CFAP99: variants seen among roughly 807,000 people sequenced by gnomAD.
CFAP99 encodes the protein cilia- and flagella-associated protein 99.
In CFAP99, 84 loss-of-function variants were observed where a neutral mutation model predicts 82.7. The ratio of observed to expected loss-of-function variants is 1.02; its 90% CI spans 0.85 to 1.22. The LOEUF (loss-of-function observed/expected upper bound fraction) is 1.22. Among genes scored for constraint, CFAP99 ranks in the 50% most tolerant of loss-of-function variants. The pLI is 0.00. For missense variants in CFAP99, 1,059 were observed against 983.5 expected, an observed-to-expected ratio of 1.08 and a Z score of -1.03; for synonymous variants, 456 against 429.5, an observed-to-expected ratio of 1.06 and a Z score of -0.76.
chr4:2,450,880 G>C lies in CFAP99; in HGVS notation c.796-67G>C, dbSNP rs926964062. The C allele has an allele frequency of 5.2e-6, 7 of 1,349,120 alleles. No homozygotes were observed. The African/African-American group carries it at 1.0e-4, about 19-fold the overall frequency. The allele number at this position is 1,349,120 out of a possible 1,614,324, so 83.6% of individuals were successfully genotyped here. A position where few individuals can be genotyped will look rare whatever the true frequency, so the allele number is the denominator to read the frequency against. On this transcript the variant is annotated intron_variant, in intron 8 of 14. Coordinates refer to ENST00000635017, the Ensembl canonical transcript of CFAP99. ...CAGGGTGCTGGGCCAGCATCCACCT[G>C]GTATGTGTTTGGGGGCACCCAGCAG...
At chr4:2,424,085 C>T (rs1244541729) in intron 1 of CFAP99, among the ~76,000 whole-genome samples, 1 of 152,236 alleles carries the variant, frequency 6.6e-6, no homozygotes, top group Non-Finnish European at 1.5e-5. Flanking sequence ...TCCTGCTGGC[C>T]TCTGTGTCCA....
chr4:2,458,150 G>A (rs941522504), intron 11 of CFAP99, among the ~76,000 whole-genome samples: 3 of 152,218 alleles, frequency 2.0e-5, no homozygotes, highest in Non-Finnish European at 2.9e-5. Context: ...GGGGAGGGCC[G>A]GTGTGGACGC....
At chr4:2,436,417 G>A (rs1318094143) in intron 2 of CFAP99, among the ~76,000 whole-genome samples, 4 of 152,104 alleles carry the variant, frequency 2.6e-5, no homozygotes, top group African/African-American at 9.7e-5. Flanking sequence ...CCATTTTTCA[G>A]CGTAGAGTTC....
chr4:2,454,581 C>CTTTTTTTTTTTTTTT (rs200727697), intron 11 of CFAP99, among the ~76,000 whole-genome samples: 33 of 94,694 alleles, frequency 3.5e-4, no homozygotes, highest in South Asian at 1.1e-3. Flanking sequence ...TGTTTTTTTT[C>CTTTTTTTTTTTTTTT]TTTTTTTTTT....
chr4:2,437,246 C>G (rs895914429), intron 3 of CFAP99, among the ~76,000 whole-genome samples: 6 of 152,212 alleles, frequency 3.9e-5, no homozygotes, highest in African/African-American at 1.4e-4. Context: ...CTCTGCCACC[C>G]CAGTTTAGGG....
intron 2 of CFAP99, chr4:2,426,828 C>A: frequency 3.9e-6 from 2 of 509,102 alleles, no homozygotes; most frequent in South Asian, 4.1e-5. Context: ...GACATCCACA[C>A]TGCGGTTCCA....
chr4:2,449,206 T>C (rs990336273), intron 6 of CFAP99, among the ~76,000 whole-genome samples: 2 of 151,940 alleles, frequency 1.3e-5, no homozygotes, highest in African/African-American at 4.8e-5. Context: ...CTCGGGGATA[T>C]GGTGCAGCCG....
rs991386897 is a variant in CFAP99, at chr4:2,437,966, G to A, written c.257-104G>A. On this transcript the variant is annotated intron_variant, in intron 3 of 14. Transcript: ENST00000635017. ...GCACCAATAGGGTGGGGGTTTTCCT[G>A]TGGCTGCGTGCCCTGACACGGTGGA... 4 of 656,164 alleles carry A rather than the reference G, an allele frequency of 6.1e-6. No homozygotes were observed. In the African/African-American group the frequency reaches 7.2e-5, roughly 12 times the overall value. The allele number at this position is 656,164 out of a possible 1,614,324, so 40.6% of individuals were successfully genotyped here.
chr4:2,451,389 G>T, intron 10 of CFAP99, 37 bp downstream of exon 10: 1 of 1,526,686 alleles, frequency 6.6e-7, no homozygotes, highest in Non-Finnish European at 8.8e-7. Context: ...GCCTTCCACG[G>T]CATCACCCTT....
intron 10 of CFAP99, among the ~76,000 whole-genome samples, chr4:2,451,701 G>A (rs1013802376): frequency 4.2e-5 from 6 of 144,422 alleles, no homozygotes; most frequent in African/African-American, 1.0e-4. Context: ...TACCCCATGC[G>A]GTGTGGTCGT....
intron 11 of CFAP99, among the ~76,000 whole-genome samples, chr4:2,454,583 T>C (rs1734381492): frequency 3.8e-5 from 2 of 52,252 alleles, no homozygotes; most frequent in African/African-American, 9.7e-5. Flanking sequence ...TTTTTTTTCT[T>C]TTTTTTTTTT....
At chr4:2,452,394 T>C in intron 11 of CFAP99, 48 bp downstream of exon 11, 1 of 1,514,888 alleles carries the variant, frequency 6.6e-7, no homozygotes. Context: ...AGCTGAACTG[T>C]GTGCCCACCG....
chr4:2,458,274 G>T (rs963889136), intron 11 of CFAP99, among the ~76,000 whole-genome samples: 1 of 152,178 alleles, frequency 6.6e-6, no homozygotes, highest in African/African-American at 2.4e-5. Flanking sequence ...AGTTTTTAAA[G>T]AAACTTTTAA....
At chr4:2,457,721 C>A (rs940007765) in intron 11 of CFAP99, among the ~76,000 whole-genome samples, 1 of 152,252 alleles carries the variant, frequency 6.6e-6, no homozygotes, top group African/African-American at 2.4e-5. Context: ...CCACTGCTCC[C>A]GGCCTGTGGC....
intron 13 of CFAP99, among the ~76,000 whole-genome samples, chr4:2,459,780 G>A (rs1277781499): frequency 1.3e-5 from 2 of 152,362 alleles, no homozygotes; most frequent in East Asian, 3.9e-4. Flanking sequence ...CCTGGCTGGG[G>A]AGATAGTCAT....
At chr4:2,429,565 A>G (rs1733754737) in intron 2 of CFAP99, among the ~76,000 whole-genome samples, 1 of 150,500 alleles carries the variant, frequency 6.6e-6, no homozygotes, top group Non-Finnish European at 1.5e-5. Context: ...CCTCAGAGGC[A>G]CTGGTTTTTC....
intron 8 of CFAP99, among the ~76,000 whole-genome samples, chr4:2,450,575 C>A (rs941694974): frequency 6.6e-6 from 1 of 152,138 alleles, no homozygotes; most frequent in Non-Finnish European, 1.5e-5. Context: ...AAGCAGCTGG[C>A]GGCTGGGCCG....
chr4:2,458,778 G>T, exon 12 of CFAP99: 2 of 1,535,920 alleles, frequency 1.3e-6, no homozygotes. Flanking sequence ...GACAGGTCCA[G>T]GAAGGAGCTG....
intron 2 of CFAP99, among the ~76,000 whole-genome samples, chr4:2,435,996 G>A (rs1317798653): frequency 6.6e-6 from 1 of 151,736 alleles, no homozygotes; most frequent in Non-Finnish European, 1.5e-5. Flanking sequence ...GGAGGCCGAG[G>A]TGGGAAGGCA....
Sources: allele counts gnomAD v4.1 joint callset (sites outside exome capture counted in the v4.1 genomes callset), GRCh38; gene constraint gnomAD v4.1.1; transcripts MANE v1.5; gene names NCBI Gene and HGNC (gene_info 2026-07-23, HGNC 2026-07-21).